Variants in PDZD8 observed in about 807,000 individuals in gnomAD.
The protein encoded by PDZD8 is PDZ domain containing 8, also known as PDZ domain-containing protein 8.
A neutral mutation model predicts 85.8 loss-of-function variants in PDZD8; 14 were observed. The observed-to-expected ratio is 0.16, with a 90% CI of 0.11 to 0.26. The LOEUF is 0.26. Among genes scored for constraint, PDZD8 ranks in the 10% least tolerant of loss-of-function variants. The pLI is 1.00. For synonymous variants in PDZD8, 592 were observed against 568.6 expected, an observed-to-expected ratio of 1.04 and a Z score of -0.59; for missense variants, 1,197 against 1,424.3, an observed-to-expected ratio of 0.84 and a Z score of 2.57.
intron 3 of PDZD8, among the ~76,000 whole-genome samples, chr10:117,307,552 A>T (rs1843965038): frequency 6.6e-6 from 1 of 152,068 alleles, no homozygotes; most frequent in Non-Finnish European, 1.5e-5. Context: ...AATTATCCAG[A>T]AGTAGTCTTA....
chr10:117,340,911 T>C, intron 2 of PDZD8, 69 bp downstream of exon 2: 1 of 1,547,944 alleles, frequency 6.5e-7, no homozygotes, highest in Non-Finnish European at 8.8e-7. Context: ...ACAACACAAA[T>C]ACTGCTTAGG....
intron 4 of PDZD8, among the ~76,000 whole-genome samples, chr10:117,287,767 C>T (rs757924277): frequency 5.3e-5 from 8 of 152,138 alleles, no homozygotes; most frequent in South Asian, 2.1e-4. Context: ...CATATTGCTA[C>T]GAAATTTTCC....
intron 1 of PDZD8, among the ~76,000 whole-genome samples, chr10:117,347,710 C>A: frequency 6.6e-6 from 1 of 151,980 alleles, no homozygotes; most frequent in Non-Finnish European, 1.5e-5. Flanking sequence ...CAGAGGAACT[C>A]ATAACAGTAG....
chr10:117,350,641 C>A (rs1219942000), intron 1 of PDZD8, among the ~76,000 whole-genome samples: 1 of 151,162 alleles, frequency 6.6e-6, no homozygotes, highest in Non-Finnish European at 1.5e-5. Context: ...CGGTGGCTCA[C>A]GCCTGTAATC....
chr10:117,353,836 G>C (rs1271988529), intron 1 of PDZD8, among the ~76,000 whole-genome samples: 6 of 152,030 alleles, frequency 3.9e-5, no homozygotes, highest in African/African-American at 1.4e-4. Context: ...TGGAGAATTA[G>C]AAAAATTGTT....
intron 1 of PDZD8, among the ~76,000 whole-genome samples, chr10:117,362,374 T>C (rs1397222496): frequency 2.6e-5 from 4 of 152,132 alleles, no homozygotes; most frequent in Admixed American, 6.5e-5. Flanking sequence ...GATTTTTCAT[T>C]TCATTTAGTC....
intron 3 of PDZD8, among the ~76,000 whole-genome samples, chr10:117,306,178 G>C (rs1278211900): frequency 6.6e-6 from 1 of 152,166 alleles, no homozygotes; most frequent in Non-Finnish European, 1.5e-5. Context: ...GGTAAATCGG[G>C]AATGTATCCA....
chr10:117,370,918 T>TTGTG (rs71475194), intron 1 of PDZD8, among the ~76,000 whole-genome samples: 12,560 of 146,378 alleles, frequency 0.086, 601 homozygotes, highest in Non-Finnish European at 0.11. Flanking sequence ...ACAACATAGT[T>TTGTG]TGTGTGTGTG....
At chr10:117,307,346 A>C (rs1172278221) in intron 3 of PDZD8, among the ~76,000 whole-genome samples, 1 of 152,062 alleles carries the variant, frequency 6.6e-6, no homozygotes, top group Non-Finnish European at 1.5e-5. Context: ...TTCTGCAAAC[A>C]AATGAGTGTA....
Position 117,374,312 on chromosome 10 carries a change from C to T in PDZD8, c.872+44G>A. Reference sequence around the variant, plus strand: ...AATCCACGCAGCGTCCCGCCCAGGCCCGGGTTCCCGGCAGCCAGGCCCCCT... The same window carrying T: ...AATCCACGCAGCGTCCCGCCCAGGCTCGGGTTCCCGGCAGCCAGGCCCCCT... On this transcript the variant is annotated intron_variant, in intron 1 of 4. Transcript: ENST00000334464. This position sits in a 1 kb window ranked among gnomAD's most constrained non-coding sequence, Gnocchi z 7.8. The T allele has an allele frequency of 5.0e-6, 8 of 1,598,522 alleles. No homozygotes were observed. The highest frequency in any genetic ancestry group is 6.8e-6 in the Non-Finnish European group (8 of 1,171,158).
chr10:117,284,718 C>A lies in PDZD8; in HGVS notation c.2015G>T (p.Ser672Ile). 6.2e-7 allele frequency: 1 copy of A among 1,614,258 alleles called. No homozygotes were observed. Among genetic ancestry groups the A allele is most frequent in the Non-Finnish European group, 8.5e-7 (1 of 1,180,030 alleles). ...TSETSCPTKD[S>I]SDDRQTWESS... is the part of the protein sequence containing the mutation. ...TTCCCATGTTTGACGGTCGTCCGAA[C>A]TGTCCTTAGTAGGGCAGGAAGTTTC... is the stretch of plus-strand genomic sequence containing the variant. Residue 672 changes from serine (S) to isoleucine (I), a missense_variant, in exon 5 of 5, where the codon AGT (serine) becomes ATT (isoleucine). Transcript: ENST00000334464.
chr10:117,319,983 G>T (rs1844201978), intron 2 of PDZD8, among the ~76,000 whole-genome samples: 1 of 152,018 alleles, frequency 6.6e-6, no homozygotes, highest in African/African-American at 2.4e-5. Context: ...GCAGGTTAAA[G>T]ACCTCAAGCA....
In PDZD8 at chr10:117,316,442, G is replaced by A. The variant is rs551527427; in HGVS notation, c.1098+2430C>T. On this transcript the variant is annotated intron_variant, in intron 3 of 4. Transcript: ENST00000334464. The stretch of plus-strand genomic sequence containing the variant: ...AATCCCAGCACTTTGGGAGGCTAAG[G>A]TGGGAGGACTGCTTGAGGACAGGAG... Among the ~76,000 whole-genome samples, 12 of 152,280 alleles carry A rather than the reference G, an allele frequency of 7.9e-5. No homozygotes were observed. The South Asian group carries it at 2.3e-3, about 29-fold the overall frequency.
At chr10:117,332,878 G>C (rs1844444783) in intron 2 of PDZD8, among the ~76,000 whole-genome samples, 1 of 150,960 alleles carries the variant, frequency 6.6e-6, no homozygotes, top group African/African-American at 2.4e-5. Context: ...AGCACTTTGG[G>C]GGGCCAAGGC....
intron 4 of PDZD8, 138 bp from the exon 5 acceptor site, chr10:117,285,609 C>A (rs932747694): frequency 1.2e-5 from 14 of 1,153,174 alleles, no homozygotes; most frequent in Admixed American, 3.6e-5. Context: ...ATAGGAAAAT[C>A]TCAACAATAT....
At position 117,375,263 on chromosome 10, in the gene PDZD8, G is replaced by C; in HGVS notation, c.-36C>G. ...CCTCCGCCCGGGCCCCTACTCCCGC[G>C]CCCACAGCGCCGCTTTCTTCACGCC... On this transcript the variant is annotated 5_prime_UTR_variant, in exon 1 of 5. Transcript: ENST00000334464. 9 of 1,423,702 alleles carry C rather than the reference G, an allele frequency of 6.3e-6. No homozygotes were observed. Among genetic ancestry groups the C allele is most frequent in the Non-Finnish European group, 8.2e-6 (9 of 1,091,906 alleles). 88.2% of individuals were successfully genotyped at this position (1,423,702 alleles called of 1,614,324 possible).
rs1163033885 is a variant in PDZD8 at position 117,285,460 on chromosome 10, T to C, written c.1273A>G (p.Thr425Ala). 5 of 1,577,266 alleles carry C rather than the reference T, an allele frequency of 3.2e-6. No individual in the cohort carries two copies. The highest frequency in any genetic ancestry group is 4.3e-6 in the Non-Finnish European group (5 of 1,158,612). Residue 425 changes from threonine to alanine, a missense_variant, in exon 5 of 5, where the codon ACA becomes GCA. Transcript: ENST00000334464. Reference sequence around the variant, plus strand: ...AGCTTCAACACTTGCAGTGTTGATGTGATTTTCACACCTGGTTTAAGATTT... The same window carrying C: ...AGCTTCAACACTTGCAGTGTTGATGCGATTTTCACACCTGGTTTAAGATTT... ...RLIAIGGVKI[T>A]STLQVLKLIK...
Position 117,283,469 on chromosome 10 carries a change from T to C in PDZD8, c.3264A>G (p.Thr1088=). 6.2e-7 allele frequency: 1 copy of C among 1,614,102 alleles called. No homozygotes were observed. The highest frequency in any genetic ancestry group is 1.1e-5 in the South Asian group (1 of 91,074). ...CTGCTCTGTAGTGAATCATAAGAAG[T>C]GTTAGAGCTTGTAGCCTTTCACCTG... ...AKSGERLQAL[T]LLMIHYRAGI... is the part of the protein sequence containing the mutation. Residue 1088 remains threonine (T), a synonymous_variant, in exon 5 of 5, where the codon ACA becomes ACG. Transcript: ENST00000334464.
intron 1 of PDZD8, among the ~76,000 whole-genome samples, chr10:117,348,007 T>A (rs1397413849): frequency 6.6e-6 from 1 of 152,198 alleles, no homozygotes; most frequent in African/African-American, 2.4e-5. Context: ...ATGATAAAAA[T>A]GTTCTAAAAC....
Sources: allele counts gnomAD v4.1 joint callset (sites outside exome capture counted in the v4.1 genomes callset), GRCh38; gene constraint gnomAD v4.1.1; non-coding constraint Gnocchi (gnomAD v3.1); transcripts MANE v1.5; gene names NCBI Gene and HGNC (gene_info 2026-07-23, HGNC 2026-07-21).